CCNB1: variants seen among roughly 807,000 people sequenced by gnomAD.
CCNB1 encodes cyclin B1.
CCNB1 carries 26 observed loss-of-function variants against 44.4 expected under a neutral mutation model. The observed-to-expected ratio is 0.59, with a 90% CI of 0.43 to 0.81. CCNB1 has a LOEUF of 0.81. Among genes scored for constraint, CCNB1 ranks in the 40% least tolerant of loss-of-function variants. The pLI, the probability that CCNB1 is intolerant of heterozygous loss-of-function variation, is 0.00. For synonymous variants in CCNB1, 195 were observed against 181.4 expected (o/e 1.08, Z -0.60); for missense variants, 477 against 520.9 (o/e 0.92, Z 0.82).
intron 6 of CCNB1, 138 bp from the exon 7 acceptor site, chr5:69,175,259 A>T: frequency 9.6e-7 from 1 of 1,040,382 alleles, no homozygotes; most frequent in South Asian, 1.5e-5. Flanking sequence ...GTCAGGCTGC[A>T]TGTTAATATT....
chr5:69,177,741 CT>C lies in CCNB1; in HGVS notation c.*116del, dbSNP rs1747629516. ...TTAATAAAGCTTGTGGCCCCTTTTA[CT>C]TTTTTATAGCTTAACTAATTTGAAT... On this transcript the variant is annotated 3_prime_UTR_variant, in exon 9 of 9. Coordinates refer to ENST00000256442, the MANE Select transcript of CCNB1 (RefSeq NM_031966.4). The C allele has an allele frequency of 3.0e-6, 2 of 671,902 alleles. No homozygotes were observed. Among genetic ancestry groups the C allele is most frequent in the East Asian group, 5.3e-5 (2 of 37,580 alleles). 41.6% of individuals were successfully genotyped at this position (671,902 alleles called of 1,614,324 possible). A position where few individuals can be genotyped will look rare whatever the true frequency, so the allele number is the denominator to read the frequency against.
chr5:69,167,358 C>G (rs1278611014), intron 1 of CCNB1, 75 bp downstream of exon 1: 2 of 1,549,626 alleles, frequency 1.3e-6, no homozygotes, highest in African/African-American at 2.7e-5. Flanking sequence ...CCTGCGGGAG[C>G]CTCCCGAGCG....
Position 69,177,348 on chromosome 5 carries a change from T to C in CCNB1, c.1193T>C (p.Met398Thr), listed in dbSNP as rs761824628. ...GTAAATCAAGGACTTACAAAGCACA[T>C]GGTGAGTCAATATAGTGGCATTGTA... ...VMVNQGLTKH[M>T]TVKNKYATSK... Residue 398 changes from methionine to threonine, a missense_variant and splice_region_variant, in exon 8 of 9, where the codon ATG becomes ACG. By Grantham distance (81) the Met-to-Thr change is moderately conservative. Coordinates refer to ENST00000256442, the MANE Select transcript of CCNB1 (RefSeq NM_031966.4). 16 of 1,586,198 alleles carry C rather than the reference T, an allele frequency of 1.0e-5. No homozygotes were observed. The Admixed American group carries it at 2.5e-4, about 25-fold the overall frequency.
rs1315058601 is a variant in CCNB1, at chr5:69,167,296, G to A, written c.21+13G>A. On this transcript the variant is annotated intron_variant, in intron 1 of 8. Transcript: ENST00000256442. Reference sequence around the variant, plus strand: ...CCGAGTCACCAGGGTGAGCCGCTTCGGACTGCGAACTAACGCGGCCTTCTT... The same window carrying A: ...CCGAGTCACCAGGGTGAGCCGCTTCAGACTGCGAACTAACGCGGCCTTCTT... 4 of 1,598,950 alleles carry A rather than the reference G, an allele frequency of 2.5e-6. No homozygotes were observed. Among genetic ancestry groups the A allele is most frequent in the African/African-American group, 1.3e-5 (1 of 74,586 alleles).
intron 4 of CCNB1, among the ~76,000 whole-genome samples, chr5:69,173,121 A>G (rs1161232767): frequency 6.6e-6 from 1 of 152,136 alleles, no homozygotes. Context: ...GTGCAAGGCC[A>G]TTTATGCAAA....
intron 7 of CCNB1, among the ~76,000 whole-genome samples, chr5:69,175,982 A>AATATATAT (rs68140968): frequency 0.024 from 2,822 of 116,106 alleles, 74 homozygotes; most frequent in South Asian, 0.06. Flanking sequence ...AAATATATAA[A>AATATATAT]ATATATATAT....
intron 3 of CCNB1, 115 bp from the exon 4 acceptor site, chr5:69,171,155 T>A: frequency 1.5e-6 from 1 of 662,858 alleles, no homozygotes; most frequent in East Asian, 2.7e-5. Flanking sequence ...AGGAAATGAA[T>A]TGTATGCCGA....
rs1407394124 is a variant in CCNB1 at position 69,174,976 on chromosome 5, T to C, written c.805T>C (p.Phe269Leu). The C allele has an allele frequency of 6.2e-6, 10 of 1,614,166 alleles. No individual in the cohort carries two copies. The highest frequency in any genetic ancestry group is 8.5e-6 in the Non-Finnish European group (10 of 1,180,024). The change falls in exon 6 of 9, where the codon TTT becomes CTT. Residue 269 changes from phenylalanine (F) to leucine (L), a missense_variant. Coordinates refer to ENST00000256442, the MANE Select transcript of CCNB1 (RefSeq NM_031966.4). ...EEMYPPEIGD[F>L]AFVTDNTYTK... ...AATGTACCCTCCAGAAATTGGTGAC[T>C]TTGCTTTTGTGACTGACAACACTTA...
rs1035384892 is a variant in CCNB1 at position 69,174,859 on chromosome 5, T to A, written c.706-18T>A. ...CTTTTCAAACATTTTATTCACCCTA[T>A]TGAAATTCCCATTGCAGAATAATTG... On this transcript the variant is annotated intron_variant, in intron 5 of 8. Coordinates refer to ENST00000256442, the MANE Select transcript of CCNB1 (RefSeq NM_031966.4). The A allele has an allele frequency of 8.8e-6, 14 of 1,593,858 alleles. No individual in the cohort carries two copies. The African/African-American group carries it at 1.9e-4, about 21-fold the overall frequency.
chr5:69,175,751 T>G, intron 7 of CCNB1, among the ~76,000 whole-genome samples: 1 of 152,022 alleles, frequency 6.6e-6, no homozygotes, highest in Non-Finnish European at 1.5e-5. Context: ...TGGTGCAGTC[T>G]TGGCCCACTG....
intron 3 of CCNB1, among the ~76,000 whole-genome samples, chr5:69,170,923 C>G (rs543233485): frequency 6.6e-6 from 1 of 152,184 alleles, no homozygotes; most frequent in South Asian, 2.1e-4. Context: ...CAACCTCATT[C>G]TTTTTAATTG....
chr5:69,174,343 A>G lies in CCNB1; in HGVS notation c.639A>G (p.Gln213=), dbSNP rs1174432841. The G allele has an allele frequency of 3.1e-6, 5 of 1,614,032 alleles. No homozygotes were observed. The highest frequency in any genetic ancestry group is 1.6e-4 in the Middle Eastern group (1 of 6,084). The part of the protein sequence containing the change: ...AILIDWLVQV[Q]MKFRLLQETM... Reference sequence around the variant, plus strand: ...TAATTGACTGGCTAGTACAGGTTCAAATGAAATTCAGGTTGTTGCAGGAGA... The same window carrying G: ...TAATTGACTGGCTAGTACAGGTTCAGATGAAATTCAGGTTGTTGCAGGAGA... Residue 213 remains glutamine, a synonymous_variant, in exon 5 of 9, where the codon CAA becomes CAG. Coordinates refer to ENST00000256442, the MANE Select transcript of CCNB1 (RefSeq NM_031966.4).
In CCNB1 at chr5:69,167,966, T is replaced by C. The variant is rs369506933; in HGVS notation, c.80T>C (p.Val27Ala). 3.7e-6 allele frequency: 6 copies of C among 1,614,074 alleles called. No homozygotes were observed. Among genetic ancestry groups the C allele is most frequent in the Non-Finnish European group, 5.1e-6 (6 of 1,180,014 alleles). ...AKINMAGAKR[V>A]PTAPAATSKP... ...ATCAACATGGCAGGCGCAAAGCGCG[T>C]TCCTACGGCCCCTGCTGCAACCTCC... Residue 27 changes from valine to alanine, a missense_variant, in exon 2 of 9, where the codon GTT becomes GCT. By Grantham distance (64) the Val-to-Ala change is moderately conservative (BLOSUM62 0). Coordinates refer to ENST00000256442, the MANE Select transcript of CCNB1 (RefSeq NM_031966.4).
At chr5:69,174,498 T>C (rs1747536022) in intron 5 of CCNB1, 89 bp downstream of exon 5, 1 of 1,248,134 alleles carries the variant, frequency 8.0e-7, no homozygotes, top group Non-Finnish European at 1.1e-6. Context: ...GCGCAGTGGC[T>C]CATGCCTGTA....
rs145304972 is a variant in CCNB1, at chr5:69,173,642, C to G, written c.547-609C>G. On this transcript the variant is annotated intron_variant, in intron 4 of 8. Coordinates refer to ENST00000256442, the MANE Select transcript of CCNB1 (RefSeq NM_031966.4). ...AGTTTAGAGGCTTAAGTGAAAAGAT[C>G]TGAGATGATAATGTAGTATCTTTAT... Among the ~76,000 whole-genome samples the G allele has an allele frequency of 9.3e-3, 1,419 of 152,240 alleles. 27 individuals carry two copies. Among genetic ancestry groups the G allele is most frequent in the African/African-American group, 0.033 (1,370 of 41,542 alleles).
At chr5:69,175,644 C>G (rs947973100) in intron 7 of CCNB1, 107 bp downstream of exon 7, 1 of 1,003,758 alleles carries the variant, frequency 1.0e-6, no homozygotes, top group Non-Finnish European at 1.5e-6. Flanking sequence ...AATATGGGAT[C>G]TACTGAAGGA....
chr5:69,177,816 T>C lies in CCNB1; in HGVS notation c.*185T>C, dbSNP rs1038836073. ...AGCGGAAAAGTTGTCTTAAAAGGTA[T>C]GGTGGGGATATTTTTAAAAACTCCT... On this transcript the variant is annotated 3_prime_UTR_variant, in exon 9 of 9. Coordinates refer to ENST00000256442, the MANE Select transcript of CCNB1 (RefSeq NM_031966.4). 4.3e-5 allele frequency: 22 copies of C among 511,494 alleles called. No individual in the cohort carries two copies. The highest frequency in any genetic ancestry group is 6.9e-5 in the Non-Finnish European group (20 of 287,960). 31.7% of individuals were successfully genotyped at this position (511,494 alleles called of 1,614,324 possible). A position where few individuals can be genotyped will look rare whatever the true frequency, so the allele number is the denominator to read the frequency against.
chr5:69,172,163 T>C (rs1747474270), intron 4 of CCNB1, among the ~76,000 whole-genome samples: 1 of 152,118 alleles, frequency 6.6e-6, no homozygotes, highest in Non-Finnish European at 1.5e-5. Context: ...CTGCAGTCTC[T>C]GTCTCCTGGG....
Position 69,177,658 on chromosome 5 carries a change from A to G in CCNB1, c.*27A>G. 1 of 1,374,406 alleles carries G rather than the reference A, an allele frequency of 7.3e-7. No homozygotes were observed. Among genetic ancestry groups the G allele is most frequent in the Non-Finnish European group, 1.0e-6 (1 of 968,884 alleles). The allele number at this position is 1,374,406 out of a possible 1,614,324, so 85.1% of individuals were successfully genotyped here. A position where few individuals can be genotyped will look rare whatever the true frequency, so the allele number is the denominator to read the frequency against. On this transcript the variant is annotated 3_prime_UTR_variant, in exon 9 of 9. Coordinates refer to ENST00000256442, the MANE Select transcript of CCNB1 (RefSeq NM_031966.4). ...TTGTAAACTTGAGTTGGAGTACTAT[A>G]TTTACAAATAAAATTGGCACCATGT...
Sources: gnomAD v4.1 joint callset for allele counts (sites outside exome capture counted in the v4.1 genomes callset) on GRCh38, gnomAD v4.1.1 for gene constraint, MANE v1.5 for transcripts, NCBI Gene and HGNC (gene_info 2026-07-23, HGNC 2026-07-21) for gene names.